LTBP1: variants seen among roughly 807,000 people sequenced by gnomAD.
The protein encoded by LTBP1 is latent-transforming growth factor beta-binding protein 1.
In LTBP1, 129 loss-of-function variants were observed where a neutral mutation model predicts 207.6. The observed-to-expected ratio is 0.62, with a 90% CI of 0.54 to 0.72. The LOEUF (loss-of-function observed/expected upper bound fraction) is 0.72. LTBP1 is among the 30% of genes least tolerant of loss of function. The probability of loss-of-function intolerance (pLI) is 0.00; values close to 1 mark genes in which losing one functional copy is unlikely to be tolerated. For synonymous variants in LTBP1, 963 were observed against 833.7 expected (o/e 1.16, Z -2.67); for missense variants, 2,281 against 2,217.2 (o/e 1.03, Z -0.58).
intron 19 of LTBP1, among the ~76,000 whole-genome samples, chr2:33,286,361 A>G (rs2093664705): frequency 6.6e-6 from 1 of 152,262 alleles, no homozygotes; most frequent in Non-Finnish European, 1.5e-5. Flanking sequence ...GAAAACATGG[A>G]GAACTCATTG....
At chr2:33,151,781 G>A (rs1225064472) in intron 5 of LTBP1, among the ~76,000 whole-genome samples, 17 of 150,914 alleles carry the variant, frequency 1.1e-4, no homozygotes, top group Admixed American at 4.6e-4. Flanking sequence ...TGTGGCAAAT[G>A]CCATTAATTC....
intron 2 of LTBP1, among the ~76,000 whole-genome samples, chr2:32,963,033 T>G (rs1387633992): frequency 6.6e-6 from 1 of 152,140 alleles, no homozygotes; most frequent in Non-Finnish European, 1.5e-5. Flanking sequence ...GGAAATCAGC[T>G]CTTTTGGGCT....
chr2:33,147,316 C>T (rs531466996), intron 5 of LTBP1, among the ~76,000 whole-genome samples: 2 of 152,190 alleles, frequency 1.3e-5, no homozygotes, highest in Admixed American at 6.5e-5. Context: ...CTTTAATGTC[C>T]GTAGGAGTCA....
chr2:33,095,230 A>G (rs1387557171), intron 3 of LTBP1, among the ~76,000 whole-genome samples: 1 of 152,230 alleles, frequency 6.6e-6, no homozygotes, highest in African/African-American at 2.4e-5. Flanking sequence ...TGAACAAAAT[A>G]TAAAGTGAAC....
At chr2:32,959,549 ATG>A (rs10649487) in intron 2 of LTBP1, among the ~76,000 whole-genome samples, 13,768 of 125,008 alleles carry the variant, frequency 0.11, 874 homozygotes, top group Middle Eastern at 0.15. Context: ...CTGTATATAT[ATG>A]TGTGTGTGTG....
chr2:33,029,546 T>G (rs2075591979), intron 3 of LTBP1, among the ~76,000 whole-genome samples: 1 of 152,198 alleles, frequency 6.6e-6, no homozygotes. Flanking sequence ...TAGGGACAAC[T>G]TTCCCTTCCA....
intron 5 of LTBP1, among the ~76,000 whole-genome samples, chr2:33,148,375 C>G (rs1018296888): frequency 1.3e-5 from 2 of 152,166 alleles, no homozygotes; most frequent in African/African-American, 4.8e-5. Flanking sequence ...TGATAACATA[C>G]GTTCTCTATG....
chr2:33,013,279 T>TGAG (rs1687916234), intron 2 of LTBP1, among the ~76,000 whole-genome samples: 2 of 152,156 alleles, frequency 1.3e-5, no homozygotes, highest in African/African-American at 4.8e-5. Flanking sequence ...GTGATGTATC[T>TGAG]CCTTGTTTTA....
chr2:33,275,448 G>A lies in LTBP1; in HGVS notation c.2870-353G>A, dbSNP rs1185794755. ...ACCTGTAATCCCAGCACTTTGGGAG[G>A]CCGAGCCTGGCGGATCACCTGAGGT... On this transcript the variant is annotated intron_variant, in intron 17 of 33. Coordinates refer to ENST00000404816, the MANE Select transcript of LTBP1 (RefSeq NM_206943.4). 3.3e-5 allele frequency among the ~76,000 whole-genome samples: 5 copies of A among 152,176 alleles called. No homozygotes were observed. In the East Asian group the frequency reaches 9.6e-4, roughly 29 times the overall value.
chr2:33,153,302 C>A (rs760997165), intron 5 of LTBP1, among the ~76,000 whole-genome samples: 17 of 152,246 alleles, frequency 1.1e-4, no homozygotes, highest in African/African-American at 2.2e-4. Flanking sequence ...GTAAGTGACT[C>A]TGTATTTTCC....
At chr2:33,385,433 C>T (rs948252989) in intron 31 of LTBP1, among the ~76,000 whole-genome samples, 2 of 152,174 alleles carry the variant, frequency 1.3e-5, no homozygotes, top group African/African-American at 4.8e-5. Flanking sequence ...TCCAAATGTT[C>T]ACTAGGGACT....
At chr2:33,136,921 AT>A (rs2082189796) in intron 5 of LTBP1, among the ~76,000 whole-genome samples, 1 of 152,232 alleles carries the variant, frequency 6.6e-6, no homozygotes, top group African/African-American at 2.4e-5. Flanking sequence ...GAGCAGTTTA[AT>A]TTTTTGAAAA....
intron 5 of LTBP1, among the ~76,000 whole-genome samples, chr2:33,165,103 C>T (rs2084806614): frequency 6.6e-6 from 1 of 152,136 alleles, no homozygotes; most frequent in African/African-American, 2.4e-5. Context: ...CATTCAGTTT[C>T]ATGATCTAAA....
At chr2:33,152,413 A>C (rs2083615739) in intron 5 of LTBP1, among the ~76,000 whole-genome samples, 1 of 152,150 alleles carries the variant, frequency 6.6e-6, no homozygotes, top group Non-Finnish European at 1.5e-5. Flanking sequence ...AAATCAAAAA[A>C]CAGTAGATGT....
At chr2:33,381,783 A>G (rs1052079112) in intron 31 of LTBP1, among the ~76,000 whole-genome samples, 3 of 152,130 alleles carry the variant, frequency 2.0e-5, no homozygotes, top group African/African-American at 4.8e-5. Context: ...CAGGGTTTCA[A>G]AAGGACAGCT....
At chr2:33,138,513 A>C (rs1262022785) in intron 5 of LTBP1, among the ~76,000 whole-genome samples, 1 of 151,904 alleles carries the variant, frequency 6.6e-6, no homozygotes, top group Admixed American at 6.6e-5. Context: ...ATGGAAACCT[A>C]TCCCTTGTTG....
intron 24 of LTBP1, among the ~76,000 whole-genome samples, chr2:33,326,090 AC>A (rs1346916631): frequency 2.6e-5 from 4 of 151,966 alleles, no homozygotes; most frequent in Admixed American, 6.6e-5. Flanking sequence ...AAAAAAAAAA[AC>A]AGTGTTTTGT....
chr2:33,264,720 A>AT (rs1172947296), intron 15 of LTBP1, among the ~76,000 whole-genome samples: 1 of 152,132 alleles, frequency 6.6e-6, no homozygotes. Flanking sequence ...ACCCAATCAA[A>AT]TTTTTTTATT....
chr2:33,255,667 GTAAAAATTGTTT>G (rs2092829835), intron 11 of LTBP1, among the ~76,000 whole-genome samples: 1 of 152,118 alleles, frequency 6.6e-6, no homozygotes, highest in Non-Finnish European at 1.5e-5. Flanking sequence ...ATGTTTCCAA[GTAAAAATTGTTT>G]TTCCTAGTTA....
Sources: allele counts gnomAD v4.1 joint callset (sites outside exome capture counted in the v4.1 genomes callset), GRCh38; gene constraint gnomAD v4.1.1; transcripts MANE v1.5; gene names NCBI Gene and HGNC (gene_info 2026-07-23, HGNC 2026-07-21).